Variants in HEMGN observed in about 807,000 individuals in gnomAD.
HEMGN encodes the protein erythroid differentiation-associated gene protein.
A neutral mutation model predicts 45.7 loss-of-function variants in HEMGN; 32 were observed. The ratio of observed to expected loss-of-function variants is 0.70; its 90% CI spans 0.53 to 0.94. The LOEUF (loss-of-function observed/expected upper bound fraction) is 0.94. Ranked by LOEUF, HEMGN falls within the 40% of genes least tolerant of loss-of-function variation. The pLI is 0.00. For missense variants in HEMGN, 530 were observed against 564.2 expected, an observed-to-expected ratio of 0.94 and a Z score of 0.61; for synonymous variants, 183 against 178.6, an observed-to-expected ratio of 1.02 and a Z score of -0.20.
chr9:97,930,326 T>A lies in HEMGN; in HGVS notation c.1069A>T (p.Asn357Tyr), dbSNP rs1826920440. Residue 357 changes from asparagine (N) to tyrosine (Y), a missense_variant, in exon 3 of 4, where the codon AAC becomes TAC. Asn to Tyr is a moderately radical substitution (Grantham distance 143). Transcript: ENST00000616898. Reference protein sequence around the residue: ...PHSEDYSIEINQETPGSEKYS... With the variant: ...PHSEDYSIEIYQETPGSEKYS... ...TTTTCAGACCCAGGAGTTTCTTGGTTTATTTCAATTGAATAGTCTTCAGAA... is the reference window on the plus strand; with the variant it reads ...TTTTCAGACCCAGGAGTTTCTTGGTATATTTCAATTGAATAGTCTTCAGAA... 1 of 1,613,612 alleles carries A rather than the reference T, an allele frequency of 6.2e-7. No homozygotes were observed. The highest frequency in any genetic ancestry group is 1.3e-5 in the African/African-American group (1 of 74,816).
Position 97,927,263 on chromosome 9 carries a change from T to C in HEMGN, c.*121A>G. 3.3e-6 allele frequency: 2 copies of C among 608,340 alleles called. No individual in the cohort carries two copies. The highest frequency in any genetic ancestry group is 5.8e-6 in the Non-Finnish European group (2 of 343,748). The allele number at this position is 608,340 out of a possible 1,614,324, so 37.7% of individuals were successfully genotyped here. A position where few individuals can be genotyped will look rare whatever the true frequency, so the allele number is the denominator to read the frequency against. On this transcript the variant is annotated 3_prime_UTR_variant, in exon 4 of 4. Coordinates refer to ENST00000616898, the MANE Select transcript of HEMGN (RefSeq NM_197978.3). ...AATGTTATTTCTTTCAGATATGGTC[T>C]ACAAATAGAAAAAATAATATTAATG...
rs770481250 is a variant in HEMGN at position 97,927,366 on chromosome 9, C to A, written c.*18G>T. Reference sequence around the variant, plus strand: ...AGCTGTATGTTCCATTGGACCACAACTTTATGGTTGAGCATTGTTAAAACA... The same window carrying A: ...AGCTGTATGTTCCATTGGACCACAAATTTATGGTTGAGCATTGTTAAAACA... On this transcript the variant is annotated 3_prime_UTR_variant, in exon 4 of 4. Transcript: ENST00000616898. 2 of 1,453,072 alleles carry A rather than the reference C, an allele frequency of 1.4e-6. No individual in the cohort carries two copies. The highest frequency in any genetic ancestry group is 1.9e-6 in the Non-Finnish European group (2 of 1,045,050). 90.0% of individuals were successfully genotyped at this position (1,453,072 alleles called of 1,614,324 possible). A position where few individuals can be genotyped will look rare whatever the true frequency, so the allele number is the denominator to read the frequency against.
Position 97,931,189 on chromosome 9 carries a change from C to T in HEMGN, c.206G>A (p.Gly69Glu), listed in dbSNP as rs867323476. 6 of 1,611,302 alleles carry T rather than the reference C, an allele frequency of 3.7e-6. No homozygotes were observed. The highest frequency in any genetic ancestry group is 5.1e-6 in the Non-Finnish European group (6 of 1,179,456). The change falls in exon 3 of 4, where the codon GGA becomes GAA. Residue 69 changes from glycine (G) to glutamate (E), a missense_variant. Transcript: ENST00000616898. The part of the protein sequence containing the change: ...EQKKRKQQRT[G>E]KGNRRGRKRQ... The stretch of plus-strand genomic sequence containing the variant: ...CTTTCTGCCTCTTCGATTTCCTTTT[C>T]CTGTTCTCTGCTGCTTGCGTTTTTT...
upstream of HEMGN, among the ~76,000 whole-genome samples, chr9:97,941,807 C>A (rs187619455): frequency 3.1e-4 from 47 of 152,022 alleles, no homozygotes; most frequent in Non-Finnish European, 6.5e-4. Context: ...GTCTCGGAAG[C>A]CAAGAGGAAA....
Position 97,930,502 on chromosome 9 carries a change from A to G in HEMGN, c.893T>C (p.Phe298Ser). 1 of 1,613,994 alleles carries G rather than the reference A, an allele frequency of 6.2e-7. No individual in the cohort carries two copies. The highest frequency in any genetic ancestry group is 8.5e-7 in the Non-Finnish European group (1 of 1,179,928). ...CTCAGCTATTTCTTGTATTTTAGGA[A>G]AAAGGCCTTCTGTCTCAGCTATTCC... The part of the protein sequence containing the change: ...DQGIAETEGL[F>S]PKIQEIAEPK... The change falls in exon 3 of 4, where the codon TTT (phenylalanine) becomes TCT (serine). Residue 298 changes from phenylalanine to serine, a missense_variant. By Grantham distance (155) the Phe-to-Ser change is radical. Transcript: ENST00000616898.
upstream of HEMGN, among the ~76,000 whole-genome samples, chr9:97,940,359 C>A (rs1264036936): frequency 5.6e-4 from 85 of 152,098 alleles, no homozygotes; most frequent in Non-Finnish European, 7.4e-5. Context: ...GCCCCATGTT[C>A]CCTGTATCTA....
Position 97,937,328 on chromosome 9 carries a change from A to G in HEMGN, c.79+730T>C, listed in dbSNP as rs537460200. On this transcript the variant is annotated intron_variant, in intron 1 of 3. Coordinates refer to ENST00000616898, the MANE Select transcript of HEMGN (RefSeq NM_197978.3). Reference sequence around the variant, plus strand: ...GTGCAGATCATCCCATCACCTAGGTATTAAGCCCAGCATCTATTATCTATT... The same window carrying G: ...GTGCAGATCATCCCATCACCTAGGTGTTAAGCCCAGCATCTATTATCTATT... Among the ~76,000 whole-genome samples, 129 of 152,238 alleles carry G rather than the reference A, an allele frequency of 8.5e-4. 1 individual carries two copies. In the South Asian group the frequency reaches 0.025, roughly 30 times the overall value.
At position 97,936,270 on chromosome 9, in the gene HEMGN, A is replaced by G. The variant is rs1827058630; in HGVS notation, c.80-6T>C. On this transcript the variant is annotated splice_polypyrimidine_tract_variant and splice_region_variant and intron_variant, in intron 1 of 3. Transcript: ENST00000616898. ...ACTCCAGGTTCCAATGACTTCTGTAATAAAATGAAAGTGATTAGAAAAAGT... is the reference window on the plus strand; with the variant it reads ...ACTCCAGGTTCCAATGACTTCTGTAGTAAAATGAAAGTGATTAGAAAAAGT... 3 of 1,582,674 alleles carry G rather than the reference A, an allele frequency of 1.9e-6. No individual in the cohort carries two copies. The African/African-American group carries it at 4.0e-5, about 21-fold the overall frequency.
intron 3 of HEMGN, among the ~76,000 whole-genome samples, chr9:97,928,742 G>A (rs549583119): frequency 4.6e-5 from 7 of 152,338 alleles, no homozygotes; most frequent in African/African-American, 1.4e-4. Flanking sequence ...TGTTGTAATA[G>A]TAAAACTTGG....
upstream of HEMGN, among the ~76,000 whole-genome samples, chr9:97,942,935 A>G (rs777783413): frequency 1.2e-4 from 18 of 152,232 alleles, no homozygotes; most frequent in Non-Finnish European, 2.2e-4. Flanking sequence ...GAGCCCTGGT[A>G]CACTTTGGTT....
intron 3 of HEMGN, 86 bp from the exon 4 acceptor site, chr9:97,927,564 T>A: frequency 7.4e-6 from 6 of 815,112 alleles, no homozygotes; most frequent in Non-Finnish European, 1.2e-5. Context: ...AAAACTGCTT[T>A]ACAACATACA....
At chr9:97,942,274 C>CTTTTTTTTTT (rs56055830), upstream of HEMGN, among the ~76,000 whole-genome samples, 8 of 128,188 alleles carry the variant, frequency 6.2e-5, no homozygotes, top group Non-Finnish European at 4.9e-5. Flanking sequence ...CTAATTCCTT[C>CTTTTTTTTTT]TTTTTTTTTT....
In HEMGN at chr9:97,928,920, A is replaced by T. The variant is rs920908253; in HGVS notation, c.1360+1115T>A. Among the ~76,000 whole-genome samples the T allele has an allele frequency of 2.0e-5, 3 of 152,256 alleles. No individual in the cohort carries two copies. In the East Asian group the frequency reaches 5.8e-4, roughly 29 times the overall value. On this transcript the variant is annotated intron_variant, in intron 3 of 3. Coordinates refer to ENST00000616898, the MANE Select transcript of HEMGN (RefSeq NM_197978.3). ...GGTACTGTCTCATTTGTTGAAACAA[A>T]ACAACCTTAACATTGGGAACTGAAG... is the stretch of plus-strand genomic sequence containing the variant.
Position 97,930,597 on chromosome 9 carries a change from C to T in HEMGN, c.798G>A (p.Val266=), listed in dbSNP as rs772763536. 4 of 1,614,026 alleles carry T rather than the reference C, an allele frequency of 2.5e-6. No homozygotes were observed. The highest frequency in any genetic ancestry group is 3.4e-6 in the Non-Finnish European group (4 of 1,180,026). ...CTGTGTCAAGAATATAGCCTTTAGG[C>T]ACATCTGGTTTTGGATATGCTTGAA... is the stretch of plus-strand genomic sequence containing the variant. The part of the protein sequence containing the change: ...CSLQAYPKPD[V]PKGYILDTDQ... The change falls in exon 3 of 4, where the codon GTG becomes GTA. Residue 266 remains valine (V), a synonymous_variant. Coordinates refer to ENST00000616898, the MANE Select transcript of HEMGN (RefSeq NM_197978.3).
At position 97,936,256 on chromosome 9, in the gene HEMGN, C is replaced by T. The variant is rs762350601; in HGVS notation, c.88G>A (p.Gly30Arg). Residue 30 changes from glycine to arginine, a missense_variant, in exon 2 of 4, where the codon GGA becomes AGA. Physicochemically the swap from Gly to Arg is moderately radical, Grantham distance 125. Transcript: ENST00000616898. ...QEENHSPEVIGTWSLRNRELL... is the reference protein window; with the variant it reads ...QEENHSPEVIRTWSLRNRELL... ...TCTCTGTTTCTCAAACTCCAGGTTC[C>T]AATGACTTCTGTAATAAAATGAAAG... 2.5e-6 allele frequency: 4 copies of T among 1,604,464 alleles called. No homozygotes were observed. Among genetic ancestry groups the T allele is most frequent in the Non-Finnish European group, 3.4e-6 (4 of 1,172,728 alleles).
chr9:97,929,661 A>G (rs1587851295), intron 3 of HEMGN, among the ~76,000 whole-genome samples: 1 of 152,214 alleles, frequency 6.6e-6, no homozygotes, highest in Non-Finnish European at 1.5e-5. Flanking sequence ...CCTGCTTTCC[A>G]TTTATCAGGC....
chr9:97,935,043 T>G (rs1245309452), intron 2 of HEMGN, among the ~76,000 whole-genome samples: 2 of 152,316 alleles, frequency 1.3e-5, no homozygotes, highest in South Asian at 2.1e-4. Context: ...AGAATCCTGC[T>G]TATACAACAG....
chr9:97,927,048 C>T lies in HEMGN; in HGVS notation c.*336G>A, dbSNP rs1826838636. ...CAAAATGTATGTGTTCAGTCTTAGT[C>T]ACTTATCTGCTCTTAAGACGTAAAT... On this transcript the variant is annotated 3_prime_UTR_variant, in exon 4 of 4. Coordinates refer to ENST00000616898, the MANE Select transcript of HEMGN (RefSeq NM_197978.3). 1 of 170,464 alleles carries T rather than the reference C, an allele frequency of 5.9e-6. No individual in the cohort carries two copies. The highest frequency in any genetic ancestry group is 2.4e-5 in the African/African-American group (1 of 42,154). 10.6% of individuals were successfully genotyped at this position (170,464 alleles called of 1,614,324 possible).
rs1727531495 is a variant in HEMGN, at chr9:97,927,270, A to G, written c.*114T>C. On this transcript the variant is annotated 3_prime_UTR_variant, in exon 4 of 4. Transcript: ENST00000616898. The stretch of plus-strand genomic sequence containing the variant: ...TTTCTTTCAGATATGGTCTACAAAT[A>G]GAAAAAATAATATTAATGAGCATTG... 2 of 630,824 alleles carry G rather than the reference A, an allele frequency of 3.2e-6. No individual in the cohort carries two copies. Among genetic ancestry groups the G allele is most frequent in the Non-Finnish European group, 5.6e-6 (2 of 357,518 alleles). The allele number at this position is 630,824 out of a possible 1,614,324, so 39.1% of individuals were successfully genotyped here.
Sources: gnomAD v4.1 joint callset for allele counts (sites outside exome capture counted in the v4.1 genomes callset) on GRCh38, gnomAD v4.1.1 for gene constraint, MANE v1.5 for transcripts, NCBI Gene and HGNC (gene_info 2026-07-23, HGNC 2026-07-21) for gene names.